Variants in AUH observed in about 807,000 individuals in gnomAD.
AUH encodes AU RNA binding methylglutaconyl-CoA hydratase, also known as methylglutaconyl-CoA hydratase, mitochondrial.
Under a neutral mutation model 42.3 loss-of-function variants are expected in AUH, and 29 were observed. The observed-to-expected ratio is 0.69, with a 90% CI of 0.51 to 0.93. AUH has a LOEUF of 0.93. Ranked by LOEUF, AUH falls within the 40% of genes least tolerant of loss-of-function variation. The pLI, the probability that AUH is intolerant of heterozygous loss-of-function variation, is 0.00. For synonymous variants in AUH, 174 were observed against 166.4 expected (o/e 1.05, Z -0.35); for missense variants, 452 against 438.1 (o/e 1.03, Z -0.28).
At chr9:91,268,865 G>A (rs1321546267) in intron 6 of AUH, among the ~76,000 whole-genome samples, 1 of 152,132 alleles carries the variant, frequency 6.6e-6, no homozygotes, top group Non-Finnish European at 1.5e-5. Context: ...TCAAGGATAT[G>A]CATAATACAA....
intron 3 of AUH, among the ~76,000 whole-genome samples, chr9:91,337,245 T>C (rs1054242888): frequency 3.9e-5 from 6 of 152,234 alleles, no homozygotes; most frequent in African/African-American, 1.2e-4. Flanking sequence ...ATGAAATTCA[T>C]GTGTTTTCTT....
chr9:91,329,873 A>G (rs1564107207), intron 3 of AUH, among the ~76,000 whole-genome samples: 2 of 152,172 alleles, frequency 1.3e-5, no homozygotes, highest in Non-Finnish European at 1.5e-5. Context: ...AGTAACTGTA[A>G]AGTACCTATA....
rs368286670 is a variant in AUH, at chr9:91,265,986, C to T, written c.655+30035G>A. Among the ~76,000 whole-genome samples the T allele has an allele frequency of 1.1e-4, 16 of 152,014 alleles. No homozygotes were observed. The East Asian group carries it at 2.1e-3, about 20-fold the overall frequency. On this transcript the variant is annotated intron_variant, in intron 6 of 9. Transcript: ENST00000375731. ...AGTTTATGTTTTCATTTTGGTGAAG[C>T]CTTAAAATGAGAAGGCAGATGACAA...
intron 1 of AUH, among the ~76,000 whole-genome samples, chr9:91,359,380 T>C (rs1329210003): frequency 6.6e-6 from 1 of 152,208 alleles, no homozygotes; most frequent in African/African-American, 2.4e-5. Context: ...AGTTGTATAT[T>C]ACCATTTGGC....
At chr9:91,360,266 T>A (rs1832749516) in intron 1 of AUH, 1 of 152,242 alleles carries the variant, frequency 6.6e-6, no homozygotes, top group Admixed American at 6.5e-5. Flanking sequence ...AGTCCCGGCA[T>A]GACTAAGCTT....
chr9:91,321,801 A>G (rs988871885), intron 4 of AUH, among the ~76,000 whole-genome samples: 14 of 152,342 alleles, frequency 9.2e-5, no homozygotes, highest in African/African-American at 3.4e-4. Flanking sequence ...AAATTTGGGT[A>G]TGCATAAATA....
intron 6 of AUH, among the ~76,000 whole-genome samples, chr9:91,253,006 G>A (rs1279622844): frequency 6.6e-6 from 1 of 152,034 alleles, no homozygotes; most frequent in Non-Finnish European, 1.5e-5. Context: ...GTATGCTAGG[G>A]TCCATTACTC....
chr9:91,254,506 T>A (rs1829305158), intron 6 of AUH, among the ~76,000 whole-genome samples: 1 of 152,204 alleles, frequency 6.6e-6, no homozygotes, highest in Non-Finnish European at 1.5e-5. Context: ...ATCATGGATA[T>A]AAATGTATGG....
chr9:91,323,621 CA>C (rs34091687), intron 4 of AUH, among the ~76,000 whole-genome samples: 270 of 67,914 alleles, frequency 4.0e-3, no homozygotes, highest in African/African-American at 0.01. Flanking sequence ...GACTCCGGCT[CA>C]AAAAAAAAAA....
At chr9:91,312,321 G>A (rs1299066008) in intron 4 of AUH, among the ~76,000 whole-genome samples, 3 of 152,174 alleles carry the variant, frequency 2.0e-5, no homozygotes, top group African/African-American at 7.2e-5. Flanking sequence ...AATATAACAG[G>A]AGGCAAGAGG....
At chr9:91,252,143 T>G (rs1183249970) in intron 6 of AUH, among the ~76,000 whole-genome samples, 1 of 152,038 alleles carries the variant, frequency 6.6e-6, no homozygotes, top group African/African-American at 2.4e-5. Context: ...ATTTTCGTAT[T>G]TTTTGTAGAG....
At chr9:91,309,603 A>C (rs1828541598) in intron 4 of AUH, among the ~76,000 whole-genome samples, 1 of 152,196 alleles carries the variant, frequency 6.6e-6, no homozygotes, top group South Asian at 2.1e-4. Context: ...AAGTGGAAGC[A>C]AAACAATGGG....
chr9:91,310,996 C>A (rs1828661426), intron 4 of AUH, among the ~76,000 whole-genome samples: 1 of 152,152 alleles, frequency 6.6e-6, no homozygotes, highest in Non-Finnish European at 1.5e-5. Flanking sequence ...TATCCCAATT[C>A]TCAAACTGAA....
chr9:91,269,751 T>G (rs893805987), intron 6 of AUH, among the ~76,000 whole-genome samples: 4 of 152,240 alleles, frequency 2.6e-5, no homozygotes, highest in Non-Finnish European at 5.9e-5. Flanking sequence ...TGAGTTCAGC[T>G]ACCCCTTTAT....
intron 6 of AUH, among the ~76,000 whole-genome samples, chr9:91,249,358 T>C (rs1392530939): frequency 3.4e-5 from 5 of 146,604 alleles, no homozygotes; most frequent in African/African-American, 1.3e-4. Flanking sequence ...CCTGGAGTTC[T>C]GTAAGAGGGG....
At chr9:91,351,542 T>C (rs536138407) in intron 3 of AUH, among the ~76,000 whole-genome samples, 61 of 152,360 alleles carry the variant, frequency 4.0e-4, no homozygotes, top group Non-Finnish European at 6.6e-4. Flanking sequence ...TGAGTATATA[T>C]ACACAAACCT....
chr9:91,236,103 A>G (rs1828160923), intron 6 of AUH, among the ~76,000 whole-genome samples: 1 of 152,234 alleles, frequency 6.6e-6, no homozygotes, highest in South Asian at 2.1e-4. Flanking sequence ...AGATTTGAAC[A>G]TGCATTTCAG....
intron 7 of AUH, among the ~76,000 whole-genome samples, chr9:91,218,208 A>G (rs1036513086): frequency 3.3e-5 from 5 of 152,234 alleles, no homozygotes; most frequent in Non-Finnish European, 7.3e-5. Flanking sequence ...AGGAGTTTCT[A>G]TTATTAAATT....
chr9:91,233,428 G>A (rs1209056117), intron 6 of AUH, among the ~76,000 whole-genome samples: 1 of 152,176 alleles, frequency 6.6e-6, no homozygotes, highest in Non-Finnish European at 1.5e-5. Flanking sequence ...AAAAGGACCT[G>A]GGGTTTACTC....
Sources: gnomAD v4.1 joint callset for allele counts (sites outside exome capture counted in the v4.1 genomes callset) on GRCh38, gnomAD v4.1.1 for gene constraint, MANE v1.5 for transcripts, NCBI Gene and HGNC (gene_info 2026-07-23, HGNC 2026-07-21) for gene names.